Variants in DLG2 observed in about 807,000 individuals in gnomAD.
The protein encoded by DLG2 is discs large MAGUK scaffold protein 2.
Under a neutral mutation model 132.5 loss-of-function variants are expected in DLG2, and 45 were observed. The observed-to-expected ratio is 0.34, with a 90% CI of 0.27 to 0.44. DLG2 has a LOEUF of 0.44. Among genes scored for constraint, DLG2 ranks in the 20% least tolerant of loss-of-function variants. The pLI, the probability that DLG2 is intolerant of heterozygous loss-of-function variation, is 1.00. For missense variants in DLG2, 1,045 were observed against 1,196.9 expected, an observed-to-expected ratio of 0.87 and a Z score of 1.87; for synonymous variants, 424 against 419.6, an observed-to-expected ratio of 1.01 and a Z score of -0.13.
intron 5 of DLG2, among the ~76,000 whole-genome samples, chr11:85,113,871 A>C (rs1261133746): frequency 6.6e-6 from 1 of 152,000 alleles, no homozygotes; most frequent in African/African-American, 2.4e-5. Context: ...CCTGCAGTTG[A>C]GATCATTTAT....
chr11:84,687,923 A>T (rs1293607924), intron 6 of DLG2, among the ~76,000 whole-genome samples: 1 of 152,188 alleles, frequency 6.6e-6, no homozygotes, highest in African/African-American at 2.4e-5. Context: ...TGCAAATAAA[A>T]TACCAGGTGG....
intron 9 of DLG2, among the ~76,000 whole-genome samples, chr11:84,118,498 C>T (rs1187181754): frequency 2.6e-5 from 4 of 152,128 alleles, no homozygotes; most frequent in East Asian, 1.9e-4. Context: ...TTTTCTCTAA[C>T]GAGTTCATAT....
chr11:85,164,733 T>C (rs909264993), intron 4 of DLG2, among the ~76,000 whole-genome samples: 7 of 152,202 alleles, frequency 4.6e-5, no homozygotes, highest in Non-Finnish European at 7.3e-5. Context: ...GATACTGATA[T>C]ATATTTTATG....
intron 16 of DLG2, among the ~76,000 whole-genome samples, chr11:83,852,734 G>GA (rs1555065794): frequency 6.6e-6 from 1 of 152,186 alleles, no homozygotes; most frequent in Admixed American, 6.5e-5. Context: ...TACAAGTTCT[G>GA]TTTTTTTGCT....
intron 3 of DLG2, among the ~76,000 whole-genome samples, chr11:85,426,037 T>A (rs1031707550): frequency 6.6e-6 from 1 of 152,210 alleles, no homozygotes; most frequent in Non-Finnish European, 1.5e-5. Flanking sequence ...GCCTTGTTCA[T>A]TGCTAGCGCA....
intron 7 of DLG2, among the ~76,000 whole-genome samples, chr11:84,476,964 G>C (rs2099123357): frequency 6.6e-6 from 1 of 152,026 alleles, no homozygotes; most frequent in Non-Finnish European, 1.5e-5. Flanking sequence ...ACTAAGATTT[G>C]GGGAAATACA....
intron 18 of DLG2, among the ~76,000 whole-genome samples, chr11:83,690,261 T>C (rs2080742638): frequency 6.6e-6 from 1 of 151,202 alleles, no homozygotes; most frequent in South Asian, 2.1e-4. Flanking sequence ...CATTCATTTA[T>C]GGAGCACCCA....
intron 6 of DLG2, among the ~76,000 whole-genome samples, chr11:85,020,147 A>T (rs1462384739): frequency 6.6e-6 from 1 of 152,080 alleles, no homozygotes; most frequent in Middle Eastern, 3.2e-3. Context: ...CTGACTTTTT[A>T]ATGATTGCCA....
intron 3 of DLG2, among the ~76,000 whole-genome samples, chr11:85,334,601 C>T (rs1030112687): frequency 2.0e-4 from 31 of 152,146 alleles, no homozygotes; most frequent in African/African-American, 7.5e-4. Context: ...ACTGCTTTAG[C>T]TGTGTCCCAG....
chr11:85,235,305 G>A (rs933850395), intron 4 of DLG2, among the ~76,000 whole-genome samples: 4 of 151,920 alleles, frequency 2.6e-5, no homozygotes, highest in African/African-American at 9.7e-5. Context: ...TGTTAAGGTG[G>A]TAGGAAATAC....
intron 6 of DLG2, among the ~76,000 whole-genome samples, chr11:84,574,538 G>T (rs2099494358): frequency 6.6e-6 from 1 of 152,098 alleles, no homozygotes; most frequent in Non-Finnish European, 1.5e-5. Flanking sequence ...AAAGAACCAA[G>T]CTAAAGCTCC....
chr11:84,211,457 C>T (rs1411746588), intron 8 of DLG2, among the ~76,000 whole-genome samples: 2 of 152,146 alleles, frequency 1.3e-5, no homozygotes, highest in East Asian at 1.9e-4. Context: ...GTTGCCCAGA[C>T]TGGTCTCAAA....
At chr11:83,948,108 GT>G (rs1457711205) in intron 14 of DLG2, among the ~76,000 whole-genome samples, 6 of 152,096 alleles carry the variant, frequency 3.9e-5, no homozygotes, top group African/African-American at 1.4e-4. Flanking sequence ...CAGCTATTTC[GT>G]TTTGCCTTCA....
At chr11:84,338,698 C>A (rs750792630) in intron 7 of DLG2, among the ~76,000 whole-genome samples, 3 of 151,924 alleles carry the variant, frequency 2.0e-5, no homozygotes, top group Admixed American at 2.0e-4. Context: ...CCCAGCTACA[C>A]GGGAGGCTGA....
intron 3 of DLG2, among the ~76,000 whole-genome samples, chr11:85,478,956 G>T (rs965733120): frequency 1.3e-5 from 2 of 152,068 alleles, no homozygotes; most frequent in African/African-American, 2.4e-5. Context: ...TTACCCTTAT[G>T]GTCTTTGAGC....
chr11:83,730,895 C>G (rs2090890531), intron 18 of DLG2, among the ~76,000 whole-genome samples: 1 of 152,138 alleles, frequency 6.6e-6, no homozygotes, highest in Admixed American at 6.6e-5. Context: ...GTCATTCTTC[C>G]TTTCTCAGCA....
At chr11:85,272,704 C>G (rs529772362) in intron 4 of DLG2, among the ~76,000 whole-genome samples, 59 of 152,190 alleles carry the variant, frequency 3.9e-4, no homozygotes, top group African/African-American at 1.4e-3. Flanking sequence ...AGATTCAATG[C>G]CATCCCCATC....
In DLG2 at chr11:85,407,587, G is replaced by A. The variant is rs1170812943; in HGVS notation, c.41-122222C>T. On this transcript the variant is annotated intron_variant, in intron 3 of 27. Coordinates refer to ENST00000376104, the MANE Select transcript of DLG2 (RefSeq NM_001142699.3). ...GAATTTGAGTGCAATTTGCTTATTA[G>A]GGAAGAACAGGAATCATATCACGGG... 2.0e-5 allele frequency among the ~76,000 whole-genome samples: 3 copies of A among 151,800 alleles called. No individual in the cohort carries two copies. In the East Asian group the frequency reaches 5.8e-4, roughly 29 times the overall value.
At position 83,980,595 on chromosome 11, in the gene DLG2, C is replaced by G. The variant is rs1000809523; in HGVS notation, c.967G>C (p.Gly323Arg). ...AGGVGNQHIPGDNSIYVTKII... is the reference protein window; with the variant it reads ...AGGVGNQHIPRDNSIYVTKII... ...TTAGTTACATAAATGCTGTTGTCTCCAGGAATGTGTTGGTTCCCCACACCT... is the reference window on the plus strand; with the variant it reads ...TTAGTTACATAAATGCTGTTGTCTCGAGGAATGTGTTGGTTCCCCACACCT... Residue 323 changes from glycine to arginine, a missense_variant, in exon 12 of 28, where the codon GGA becomes CGA. Around this residue, in one of 4 missense-constraint regions of DLG2, gnomAD observed 109 missense variants for 159.1 expected, o/e 0.69. Transcript: ENST00000376104. 6.2e-7 allele frequency: 1 copy of G among 1,613,368 alleles called. No homozygotes were observed. The highest frequency in any genetic ancestry group is 1.3e-5 in the African/African-American group (1 of 74,836).
Sources: gnomAD v4.1 joint callset for allele counts (sites outside exome capture counted in the v4.1 genomes callset) on GRCh38, gnomAD v4.1.1 for gene constraint, gnomAD v4.1.1 regional missense constraint, MANE v1.5 for transcripts, NCBI Gene and HGNC (gene_info 2026-07-23, HGNC 2026-07-21) for gene names.